The following CERS6 variants were observed in gnomAD, a reference collection of about 807,000 sequenced individuals.
CERS6 encodes LAG1 homolog, ceramide synthase 6.
A neutral mutation model predicts 56.8 loss-of-function variants in CERS6; 26 were observed. That is an observed-to-expected ratio of 0.46 (90% CI 0.34 to 0.63). The LOEUF (loss-of-function observed/expected upper bound fraction) is 0.63. Ranked by LOEUF, CERS6 falls within the 30% of genes least tolerant of loss-of-function variation. The pLI, the probability that CERS6 is intolerant of heterozygous loss-of-function variation, is 0.01. For missense variants in CERS6, 415 were observed against 467.5 expected, an observed-to-expected ratio of 0.89 and a Z score of 1.04; for synonymous variants, 164 against 173.3, an observed-to-expected ratio of 0.95 and a Z score of 0.42.
At chr2:168,628,510 C>T (rs1157750294) in intron 3 of CERS6, among the ~76,000 whole-genome samples, 1 of 152,176 alleles carries the variant, frequency 6.6e-6, no homozygotes, top group Non-Finnish European at 1.5e-5. Context: ...CTTCATAGGT[C>T]ATCTTGTCCC....
intron 1 of CERS6, among the ~76,000 whole-genome samples, chr2:168,502,380 A>G (rs1016600736): frequency 5.3e-5 from 8 of 152,124 alleles, no homozygotes; most frequent in African/African-American, 1.7e-4. Flanking sequence ...AGAACAAGGG[A>G]GAGGAGGAGT....
intron 4 of CERS6, among the ~76,000 whole-genome samples, chr2:168,648,906 A>T (rs1216022428): frequency 6.6e-6 from 1 of 152,138 alleles, no homozygotes; most frequent in Admixed American, 6.5e-5. Context: ...TTGTATGACC[A>T]ATTATATGGC....
chr2:168,669,454 A>G (rs1375245558), intron 4 of CERS6, among the ~76,000 whole-genome samples: 2 of 152,182 alleles, frequency 1.3e-5, no homozygotes, highest in Non-Finnish European at 1.5e-5. Flanking sequence ...AGGAGACAGT[A>G]TGTTCAACTT....
At chr2:168,528,985 A>T (rs2105361062) in intron 1 of CERS6, among the ~76,000 whole-genome samples, 1 of 152,300 alleles carries the variant, frequency 6.6e-6, no homozygotes, top group African/African-American at 2.4e-5. Flanking sequence ...TATATAAAGG[A>T]GTTTGCTGGG....
Position 168,456,693 on chromosome 2 carries a change from C to A in CERS6, c.170+75C>A. On this transcript the variant is annotated intron_variant, in intron 1 of 9. Coordinates refer to ENST00000305747, the MANE Select transcript of CERS6 (RefSeq NM_203463.3). The surrounding 1 kb of genome is among the most constrained non-coding windows in gnomAD (Gnocchi z 4.1). ...GCGCACACACTCGCGCGCTCTCTGG[C>A]GCACGCCCCCGCGCCCCCAACGCTC... is the stretch of plus-strand genomic sequence containing the variant. 2 of 1,420,544 alleles carry A rather than the reference C, an allele frequency of 1.4e-6. No homozygotes were observed. Among genetic ancestry groups the A allele is most frequent in the Non-Finnish European group, 1.9e-6 (2 of 1,036,628 alleles). 88.0% of individuals were successfully genotyped at this position (1,420,544 alleles called of 1,614,324 possible).
At chr2:168,694,899 G>C in intron 5 of CERS6, 60 bp from the exon 6 acceptor site, 3 of 1,292,144 alleles carry the variant, frequency 2.3e-6, no homozygotes, top group African/African-American at 1.5e-5. Flanking sequence ...GAGATGTCTG[G>C]GATACAAATT....
chr2:168,603,608 A>G (rs566033341), intron 3 of CERS6, among the ~76,000 whole-genome samples: 15 of 152,314 alleles, frequency 9.8e-5, no homozygotes, highest in African/African-American at 2.2e-4. Flanking sequence ...AGGCATTCCA[A>G]TGCTCTTTTA....
chr2:168,555,165 A>T (rs2105377109), intron 2 of CERS6, among the ~76,000 whole-genome samples: 1 of 152,204 alleles, frequency 6.6e-6, no homozygotes, highest in East Asian at 1.9e-4. Flanking sequence ...ATGCTGTATT[A>T]TGTTAAAAAA....
At chr2:168,637,735 T>C (rs1039509041) in intron 4 of CERS6, among the ~76,000 whole-genome samples, 3 of 152,206 alleles carry the variant, frequency 2.0e-5, no homozygotes, top group Non-Finnish European at 4.4e-5. Context: ...CTTAAAATAT[T>C]TAGTAGAATG....
intron 2 of CERS6, among the ~76,000 whole-genome samples, chr2:168,556,157 C>A (rs1695675324): frequency 6.6e-6 from 1 of 152,026 alleles, no homozygotes; most frequent in Admixed American, 6.6e-5. Flanking sequence ...ATCCAGCTCT[C>A]TTTTAATGTA....
intron 4 of CERS6, among the ~76,000 whole-genome samples, chr2:168,645,138 TATATAGAGAGAGAGAGAG>T (rs1418924527): frequency 1.7e-4 from 5 of 30,030 alleles, no homozygotes; most frequent in African/African-American, 8.2e-4. Flanking sequence ...TATATATATA[TATATAGAGAGAGAGAGAG>T]AGAGAGAGAG....
rs147877006 is a variant in CERS6 at position 168,483,508 on chromosome 2, T to G, written c.170+26890T>G. ...TTTTTAACCGAGAAAACAGACTTGG[T>G]TCAGAGTTGGCATCAAATATGTGTC... On this transcript the variant is annotated intron_variant, in intron 1 of 9. Coordinates refer to ENST00000305747, the MANE Select transcript of CERS6 (RefSeq NM_203463.3). 7.4e-4 allele frequency among the ~76,000 whole-genome samples: 112 copies of G among 152,262 alleles called. 2 individuals are homozygous for G. The highest frequency in any genetic ancestry group is 2.4e-3 in the African/African-American group (101 of 41,552).
At chr2:168,465,207 C>G (rs566238463) in intron 1 of CERS6, among the ~76,000 whole-genome samples, 2 of 152,332 alleles carry the variant, frequency 1.3e-5, no homozygotes, top group South Asian at 4.1e-4. Flanking sequence ...CAACAAAATA[C>G]TGTAGACTGG....
At chr2:168,689,953 T>C (rs139259030) in intron 4 of CERS6, among the ~76,000 whole-genome samples, 42 of 152,310 alleles carry the variant, frequency 2.8e-4, no homozygotes, top group African/African-American at 7.2e-4. Flanking sequence ...TTTTCAACTT[T>C]GGCACTGCCT....
chr2:168,520,091 TGTTA>T (rs1424598219), intron 1 of CERS6, among the ~76,000 whole-genome samples: 2 of 152,208 alleles, frequency 1.3e-5, no homozygotes, highest in Non-Finnish European at 2.9e-5. Flanking sequence ...CACCAACATC[TGTTA>T]GTTTTTGATT....
chr2:168,699,663 C>A (rs1450878923), intron 6 of CERS6, among the ~76,000 whole-genome samples: 1 of 152,042 alleles, frequency 6.6e-6, no homozygotes, highest in African/African-American at 2.4e-5. Flanking sequence ...AACTTTTCAT[C>A]TTCATGGTGA....
intron 4 of CERS6, among the ~76,000 whole-genome samples, chr2:168,642,088 G>T (rs1025067234): frequency 2.7e-5 from 4 of 146,134 alleles, no homozygotes; most frequent in Middle Eastern, 3.5e-3. Flanking sequence ...ATGATCTACT[G>T]TAGGCAGGGG....
In CERS6 at chr2:168,561,186, T is replaced by G. The variant is rs1334256036; in HGVS notation, c.277-6T>G. 9.3e-6 allele frequency: 15 copies of G among 1,613,718 alleles called. No homozygotes were observed. Among genetic ancestry groups the G allele is most frequent in the Non-Finnish European group, 1.3e-5 (15 of 1,179,834 alleles). On this transcript the variant is annotated splice_polypyrimidine_tract_variant and splice_region_variant and intron_variant, in intron 2 of 9. Transcript: ENST00000305747. ...AAAATTATTTTTCTGGTACCTTGTT[T>G]CATAGCATCCTGATGAAAAGAGATT... is the stretch of plus-strand genomic sequence containing the variant.
At chr2:168,553,631 T>C (rs1361066770) in intron 2 of CERS6, among the ~76,000 whole-genome samples, 1 of 152,226 alleles carries the variant, frequency 6.6e-6, no homozygotes, top group African/African-American at 2.4e-5. Flanking sequence ...TTAGACATCT[T>C]TGAACATGAA....
Sources: gnomAD v4.1 joint callset for allele counts (sites outside exome capture counted in the v4.1 genomes callset) on GRCh38, gnomAD v4.1.1 for gene constraint, Gnocchi (gnomAD v3.1) non-coding constraint, MANE v1.5 for transcripts, NCBI Gene and HGNC (gene_info 2026-07-23, HGNC 2026-07-21) for gene names.